The following DLGAP1 variants were observed in gnomAD, a reference collection of about 807,000 sequenced individuals.
The protein encoded by DLGAP1 is disks large-associated protein 1.
In DLGAP1, 11 loss-of-function variants were observed where a neutral mutation model predicts 90.8. That is an observed-to-expected ratio of 0.12 (90% CI 0.08 to 0.20). The LOEUF is 0.20. DLGAP1 is among the 10% of genes least tolerant of loss of function. The pLI, the probability that DLGAP1 is intolerant of heterozygous loss-of-function variation, is 1.00. For missense variants in DLGAP1, 1,050 were observed against 1,333.8 expected (o/e 0.79, Z 3.31); for synonymous variants, 558 against 540.7 (o/e 1.03, Z -0.44).
intron 1 of DLGAP1, among the ~76,000 whole-genome samples, chr18:4,209,721 G>A (rs145189166): frequency 1.1e-3 from 171 of 152,212 alleles, no homozygotes; most frequent in African/African-American, 3.9e-3. Flanking sequence ...ATTTATAAAG[G>A]TTAATTCATC....
intron 3 of DLGAP1, among the ~76,000 whole-genome samples, chr18:3,919,925 T>C (rs2072229530): frequency 6.6e-6 from 1 of 152,142 alleles, no homozygotes. Flanking sequence ...AGAGGCGCAG[T>C]TAGATACAAC....
chr18:3,560,589 C>CAAA (rs59239504), intron 9 of DLGAP1, among the ~76,000 whole-genome samples: 20 of 69,906 alleles, frequency 2.9e-4, no homozygotes, highest in African/African-American at 1.0e-3. Flanking sequence ...GACTCAGTCT[C>CAAA]AAAAAAAAAA....
At position 4,093,955 on chromosome 18, in the gene DLGAP1, A is replaced by T. The variant is rs141488945; in HGVS notation, c.-159+57225T>A. 9.7e-3 allele frequency among the ~76,000 whole-genome samples: 1,482 copies of T among 152,268 alleles called. 12 individuals carry two copies. Among genetic ancestry groups the T allele is most frequent in the Non-Finnish European group, 0.017 (1,135 of 68,028 alleles). On this transcript the variant is annotated intron_variant, in intron 2 of 12. Transcript: ENST00000315677. ...TCCTGACCTCTTGCTTTTAAACTTC[A>T]ATTTAATTTAAGACGCTCCACTTAT...
intron 3 of DLGAP1, among the ~76,000 whole-genome samples, chr18:3,926,417 TATATACACACACACAC>T (rs747572568): frequency 2.5e-5 from 3 of 121,552 alleles, no homozygotes; most frequent in Non-Finnish European, 5.6e-5. Flanking sequence ...TATATATATA[TATATACACACACACAC>T]ACACACACAC....
chr18:4,057,000 TACATACAC>T (rs1438400655), intron 2 of DLGAP1, among the ~76,000 whole-genome samples: 57 of 94,988 alleles, frequency 6.0e-4, no homozygotes, highest in South Asian at 3.5e-3. Flanking sequence ...CAACTGACCA[TACATACAC>T]ACACACACAC....
chr18:4,139,847 T>A (rs1311299073), intron 2 of DLGAP1, among the ~76,000 whole-genome samples: 1 of 152,000 alleles, frequency 6.6e-6, no homozygotes, highest in Non-Finnish European at 1.5e-5. Flanking sequence ...ATTGAACCCT[T>A]TATGATTAAA....
chr18:4,255,941 C>T (rs992037564), intron 1 of DLGAP1, among the ~76,000 whole-genome samples: 3 of 151,902 alleles, frequency 2.0e-5, no homozygotes, highest in Non-Finnish European at 2.9e-5. Context: ...ATGAAAGGTC[C>T]GATTTTACCA....
intron 1 of DLGAP1, among the ~76,000 whole-genome samples, chr18:4,406,058 A>G (rs1431826063): frequency 6.6e-6 from 1 of 152,150 alleles, no homozygotes; most frequent in Admixed American, 6.5e-5. Flanking sequence ...GCCCTATGTA[A>G]GTGAAGGCGT....
chr18:4,207,325 C>A (rs188102087), intron 1 of DLGAP1, among the ~76,000 whole-genome samples: 2 of 152,206 alleles, frequency 1.3e-5, no homozygotes, highest in Admixed American at 1.3e-4. Flanking sequence ...ACCATTAGCT[C>A]TTGTGAGTAC....
rs193012161 is a variant in DLGAP1, at chr18:4,277,134, A to G, written c.-266-125847T>C. On this transcript the variant is annotated intron_variant, in intron 1 of 12. Coordinates refer to ENST00000315677, the MANE Select transcript of DLGAP1 (RefSeq NM_004746.4). The stretch of plus-strand genomic sequence containing the variant: ...CCTGCTAGTATAATGGCATTTGATG[A>G]TTTTCCTGTGTATACACGTGATATA... 2.0e-5 allele frequency among the ~76,000 whole-genome samples: 3 copies of G among 152,302 alleles called. No individual in the cohort carries two copies. In the East Asian group the frequency reaches 5.8e-4, roughly 29 times the overall value.
chr18:3,892,573 AT>A (rs1414159930), intron 3 of DLGAP1, among the ~76,000 whole-genome samples: 6 of 152,180 alleles, frequency 3.9e-5, no homozygotes, highest in African/African-American at 1.4e-4. Flanking sequence ...GCTTCATCTA[AT>A]TTACGATCTA....
chr18:3,620,800 C>T (rs1344149587), intron 7 of DLGAP1, among the ~76,000 whole-genome samples: 2 of 152,106 alleles, frequency 1.3e-5, no homozygotes, highest in Admixed American at 6.5e-5. Flanking sequence ...TCAGGTGATC[C>T]GCCCACCTCG....
intron 7 of DLGAP1, among the ~76,000 whole-genome samples, chr18:3,614,852 G>GAAA (rs397967909): frequency 4.2e-4 from 58 of 138,150 alleles, no homozygotes; most frequent in African/African-American, 1.2e-3. Context: ...TCTGTCTCAA[G>GAAA]AAAAAAAAAA....
chr18:3,602,543 C>A (rs916168673), intron 7 of DLGAP1, among the ~76,000 whole-genome samples: 2 of 138,378 alleles, frequency 1.4e-5, no homozygotes, highest in Non-Finnish European at 3.0e-5. Flanking sequence ...TGCAGGGAGC[C>A]GAGATCGCGC....
chr18:4,065,085 T>C (rs961844697), intron 2 of DLGAP1, among the ~76,000 whole-genome samples: 1 of 152,134 alleles, frequency 6.6e-6, no homozygotes, highest in Non-Finnish European at 1.5e-5. Context: ...AACCACATGA[T>C]TATCTCAATA....
At chr18:4,355,382 T>C (rs929984411) in intron 1 of DLGAP1, among the ~76,000 whole-genome samples, 21 of 152,232 alleles carry the variant, frequency 1.4e-4, no homozygotes, top group Non-Finnish European at 2.6e-4. Flanking sequence ...ATTCCATTTA[T>C]GTAATATTAT....
At chr18:3,829,203 A>C (rs563329510) in intron 4 of DLGAP1, among the ~76,000 whole-genome samples, 85 of 152,366 alleles carry the variant, frequency 5.6e-4, no homozygotes, top group African/African-American at 2.0e-3. Context: ...CAGGTTTTCA[A>C]ACATAAAGTG....
intron 1 of DLGAP1, among the ~76,000 whole-genome samples, chr18:4,366,314 T>A (rs1001113297): frequency 6.6e-6 from 1 of 152,086 alleles, no homozygotes; most frequent in Non-Finnish European, 1.5e-5. Context: ...TTAAGGGAAG[T>A]TGGGGAATTG....
intron 1 of DLGAP1, among the ~76,000 whole-genome samples, chr18:4,359,707 C>T (rs1010049663): frequency 1.3e-5 from 2 of 152,138 alleles, no homozygotes; most frequent in African/African-American, 4.8e-5. Context: ...AGGATAGATA[C>T]GATGGTGCCT....
Sources: gnomAD v4.1 joint callset for allele counts (sites outside exome capture counted in the v4.1 genomes callset) on GRCh38, gnomAD v4.1.1 for gene constraint, MANE v1.5 for transcripts, NCBI Gene and HGNC (gene_info 2026-07-23, HGNC 2026-07-21) for gene names.